Variants in ROR1 observed in about 807,000 individuals in gnomAD.
ROR1 encodes inactive tyrosine-protein kinase transmembrane receptor ROR1.
A neutral mutation model predicts 78.8 loss-of-function variants in ROR1; 19 were observed. The ratio of observed to expected loss-of-function variants is 0.24; its 90% CI spans 0.17 to 0.35. The LOEUF is 0.35. Among genes scored for constraint, ROR1 ranks in the 10% least tolerant of loss-of-function variants. The pLI is 1.00. For synonymous variants in ROR1, 386 were observed against 433.6 expected, an observed-to-expected ratio of 0.89 and a Z score of 1.36; for missense variants, 917 against 1,177.8, an observed-to-expected ratio of 0.78 and a Z score of 3.24.
In ROR1 at chr1:63,774,405, A is replaced by G. The variant is rs1644598367; in HGVS notation, c.-13A>G. On this transcript the variant is annotated 5_prime_UTR_variant, in exon 1 of 9. Transcript: ENST00000371079. The surrounding 1 kb of genome is among the most constrained non-coding windows in gnomAD (Gnocchi z 5.7). The stretch of plus-strand genomic sequence containing the variant: ...TGGGAGCCGCCGCCGCCGCCGCCTC[A>G]GCGAGAGGAGGAATGCACCGGCCGC... 1.9e-5 allele frequency: 24 copies of G among 1,250,492 alleles called. No individual in the cohort carries two copies. Among genetic ancestry groups the G allele is most frequent in the Non-Finnish European group, 2.3e-5 (23 of 993,564 alleles). 77.5% of individuals were successfully genotyped at this position (1,250,492 alleles called of 1,614,324 possible).
At chr1:63,802,566 G>A (rs1644803569) in intron 1 of ROR1, among the ~76,000 whole-genome samples, 1 of 152,164 alleles carries the variant, frequency 6.6e-6, no homozygotes, top group Non-Finnish European at 1.5e-5. Flanking sequence ...CCTTGAAGGT[G>A]CGTTGGAAGC....
chr1:63,985,291 C>T (rs146915534), intron 1 of ROR1, among the ~76,000 whole-genome samples: 6 of 152,256 alleles, frequency 3.9e-5, no homozygotes, highest in African/African-American at 1.4e-4. Context: ...GGAGTAAGAG[C>T]TTCAATGCAA....
chr1:64,133,310 G>A (rs1024710558), intron 4 of ROR1, among the ~76,000 whole-genome samples: 1 of 152,116 alleles, frequency 6.6e-6, no homozygotes. Flanking sequence ...TGTCTGGCAG[G>A]GAAGGAAGCT....
At chr1:63,786,523 C>T (rs929362348) in intron 1 of ROR1, among the ~76,000 whole-genome samples, 2 of 149,540 alleles carry the variant, frequency 1.3e-5, no homozygotes, top group Non-Finnish European at 1.5e-5. Flanking sequence ...CCTCCCGCCT[C>T]GGCCTCCCAG....
At chr1:63,922,637 G>A (rs754718684) in intron 1 of ROR1, among the ~76,000 whole-genome samples, 4 of 152,078 alleles carry the variant, frequency 2.6e-5, no homozygotes, top group Non-Finnish European at 5.9e-5. Flanking sequence ...AGAGGAGAGC[G>A]GCAACTGAAG....
chr1:63,957,223 C>T (rs1645990427), intron 1 of ROR1, among the ~76,000 whole-genome samples: 1 of 152,206 alleles, frequency 6.6e-6, no homozygotes, highest in Non-Finnish European at 1.5e-5. Context: ...TACCTTCCTG[C>T]AGCCTGAATG....
intron 4 of ROR1, among the ~76,000 whole-genome samples, chr1:64,075,363 G>A (rs1267517833): frequency 6.6e-6 from 1 of 152,206 alleles, no homozygotes; most frequent in African/African-American, 2.4e-5. Context: ...TCACCACAGT[G>A]TGATCTGGGG....
At chr1:63,929,234 G>A (rs934486087) in intron 1 of ROR1, among the ~76,000 whole-genome samples, 2 of 152,174 alleles carry the variant, frequency 1.3e-5, no homozygotes, top group Admixed American at 6.5e-5. Context: ...GTAGAGGACT[G>A]GGATTGCTGG....
intron 1 of ROR1, among the ~76,000 whole-genome samples, chr1:63,848,017 A>T (rs1484572029): frequency 6.6e-6 from 1 of 152,202 alleles, no homozygotes; most frequent in Non-Finnish European, 1.5e-5. Flanking sequence ...TTCCTAAGTG[A>T]TTTAAAACAA....
At position 64,169,712 on chromosome 1, in the gene ROR1, G is replaced by A. The variant is rs147735341; in HGVS notation, c.1387-7716G>A. Among the ~76,000 whole-genome samples the A allele has an allele frequency of 2.4e-3, 365 of 152,252 alleles. 2 individuals carry two copies. The highest frequency in any genetic ancestry group is 8.2e-3 in the African/African-American group (339 of 41,542). ...AGTCCAAAGTCTCATCCAAGACAAC[G>A]CAAGTCCCTTCTGCCTATGAGCCTG... On this transcript the variant is annotated intron_variant, in intron 8 of 8. Transcript: ENST00000371079.
At chr1:63,782,521 A>G (rs568347123) in intron 1 of ROR1, among the ~76,000 whole-genome samples, 2 of 146,096 alleles carry the variant, frequency 1.4e-5, no homozygotes, top group South Asian at 4.4e-4. Flanking sequence ...ACAAGTGTCC[A>G]TTGTTAAGGC....
chr1:63,802,133 A>T (rs1358194877), intron 1 of ROR1, among the ~76,000 whole-genome samples: 1 of 152,104 alleles, frequency 6.6e-6, no homozygotes, highest in Non-Finnish European at 1.5e-5. Flanking sequence ...CTCGTCTTAT[A>T]CTCTTGTTTT....
At position 63,842,963 on chromosome 1, in the gene ROR1, G is replaced by A. The variant is rs368872854; in HGVS notation, c.91+68455G>A. On this transcript the variant is annotated intron_variant, in intron 1 of 8. Coordinates refer to ENST00000371079, the MANE Select transcript of ROR1 (RefSeq NM_005012.4). ...GAATTTGGTTTGCTTCAACCCAAGA[G>A]GAATAAGAAGATCAAAAGCAGTTTG... 1.5e-4 allele frequency among the ~76,000 whole-genome samples: 23 copies of A among 152,210 alleles called. 1 individual carries two copies. Among genetic ancestry groups the A allele is most frequent in the Admixed American group, 9.8e-4 (15 of 15,296 alleles).
At chr1:63,905,047 C>G (rs146066665) in intron 1 of ROR1, among the ~76,000 whole-genome samples, 1 of 152,148 alleles carries the variant, frequency 6.6e-6, no homozygotes, top group African/African-American at 2.4e-5. Flanking sequence ...TTCCCTGGGC[C>G]CTATCTTATG....
At chr1:63,904,455 C>T (rs1266516599) in intron 1 of ROR1, among the ~76,000 whole-genome samples, 1 of 152,150 alleles carries the variant, frequency 6.6e-6, no homozygotes, top group Non-Finnish European at 1.5e-5. Flanking sequence ...GCAGTTTTTC[C>T]TTTGCCAGCT....
rs71056017 is a variant in ROR1 at position 64,014,773 on chromosome 1, T to TATACAC, written c.163+5398_163+5399insTACACA. Among the ~76,000 whole-genome samples, 438 of 46,996 alleles carry TATACAC rather than the reference T, an allele frequency of 9.3e-3. 86 individuals carry two copies. The highest frequency in any genetic ancestry group is 0.015 in the Non-Finnish European group (322 of 21,600). 30.8% of individuals were successfully genotyped at this position (46,996 alleles called of 152,430 possible). A position where few individuals can be genotyped will look rare whatever the true frequency, so the allele number is the denominator to read the frequency against. ...ATATATATATATATATATATATATATACACATTTTGTCCTGGTTTGCCTTT... is the reference window on the plus strand; with the variant it reads ...ATATATATATATATATATATATATATATACACACACATTTTGTCCTGGTTTGCCTTT... On this transcript the variant is annotated intron_variant, in intron 2 of 8. Transcript: ENST00000371079.
chr1:64,093,247 G>T (rs1334746145), intron 4 of ROR1, among the ~76,000 whole-genome samples: 5 of 152,082 alleles, frequency 3.3e-5, no homozygotes, highest in African/African-American at 1.2e-4. Context: ...CCTTTGTAGG[G>T]TTTGTTTTTC....
chr1:64,028,503 A>C (rs950019472), intron 2 of ROR1, among the ~76,000 whole-genome samples: 1 of 152,194 alleles, frequency 6.6e-6, no homozygotes, highest in Non-Finnish European at 1.5e-5. Flanking sequence ...TATTGCATGC[A>C]TATTTTCTCT....
At chr1:64,157,288 C>T (rs576159745) in intron 7 of ROR1, among the ~76,000 whole-genome samples, 18 of 152,186 alleles carry the variant, frequency 1.2e-4, no homozygotes, top group Admixed American at 3.9e-4. Flanking sequence ...CAGACATGCA[C>T]CACCATGCCT....
Sources: gnomAD v4.1 joint callset for allele counts (sites outside exome capture counted in the v4.1 genomes callset) on GRCh38, gnomAD v4.1.1 for gene constraint, Gnocchi (gnomAD v3.1) non-coding constraint, MANE v1.5 for transcripts, NCBI Gene and HGNC (gene_info 2026-07-23, HGNC 2026-07-21) for gene names.